Variants in HEXB observed in about 807,000 individuals in gnomAD.
HEXB encodes the protein hexosaminidase subunit beta.
A neutral mutation model predicts 71.2 loss-of-function variants in HEXB; 51 were observed. That is an observed-to-expected ratio of 0.72 (90% confidence interval 0.57 to 0.90). The LOEUF (loss-of-function observed/expected upper bound fraction) is 0.90. Among genes scored for constraint, HEXB ranks in the 40% least tolerant of loss-of-function variants. The probability of loss-of-function intolerance (pLI) is 0.00; values close to 1 mark genes in which losing one functional copy is unlikely to be tolerated. For synonymous variants in HEXB, 266 were observed against 249.3 expected (o/e 1.07, Z -0.63); for missense variants, 617 against 677.0 (o/e 0.91, Z 0.98).
chr5:74,676,016 T>C (rs1748624678), intron 1 of HEXB, among the ~76,000 whole-genome samples: 1 of 152,230 alleles, frequency 6.6e-6, no homozygotes, highest in South Asian at 2.1e-4. Flanking sequence ...AATAACTTTA[T>C]AAATTAACAG....
chr5:74,654,322 T>C (rs1433703673), intron 1 of HEXB, among the ~76,000 whole-genome samples: 3 of 152,148 alleles, frequency 2.0e-5, no homozygotes, highest in Admixed American at 2.0e-4. Flanking sequence ...AATTTTGCAT[T>C]TCTAACGAGC....
chr5:74,706,443 C>T lies in HEXB; in HGVS notation c.771+1123C>T, dbSNP rs368303812. Among the ~76,000 whole-genome samples, 237 of 152,186 alleles carry T rather than the reference C, an allele frequency of 1.6e-3. 5 individuals are homozygous for T. The East Asian group carries it at 0.039, about 25-fold the overall frequency. On this transcript the variant is annotated intron_variant, in intron 6 of 13. Coordinates refer to ENST00000261416, the MANE Select transcript of HEXB (RefSeq NM_000521.4). ...TCACTAGGGAGTGCCAGACAGTGGG[C>T]GCAGGACAGTGGGTGCAGCGCATCA...
In HEXB at chr5:74,641,954, CGACA is replaced by C. The variant is rs1747902621; in HGVS notation, c.-377+1399_-377+1402del. Among the ~76,000 whole-genome samples, 1 of 152,128 alleles carries C rather than the reference CGACA, an allele frequency of 6.6e-6. No homozygotes were observed. The highest frequency in any genetic ancestry group is 1.9e-4 in the East Asian group (1 of 5,192). The stretch of plus-strand genomic sequence containing the variant: ...CTGCAGCTCGAGAGTGAGGGCCCCA[CGACA>C]GAGTTTATTCCGTCCCCGGGTCCCC... On this transcript the variant is annotated intron_variant, in intron 1 of 13. Transcript: ENST00000511181. The surrounding 1 kb of genome is among the most constrained non-coding windows in gnomAD (Gnocchi z 4.1).
intron 1 of HEXB, among the ~76,000 whole-genome samples, chr5:74,644,526 AG>A (rs1217826374): frequency 6.6e-6 from 1 of 152,160 alleles, no homozygotes; most frequent in East Asian, 1.9e-4. Context: ...GAGAGAGGAA[AG>A]TCTGGCTGTT....
chr5:74,689,188 A>T, intron 1 of HEXB, 140 bp from the exon 2 acceptor site: 1 of 717,846 alleles, frequency 1.4e-6, no homozygotes, highest in South Asian at 1.5e-5. Context: ...TCTAATGTAC[A>T]GCTTGGGGTG....
intron 1 of HEXB, among the ~76,000 whole-genome samples, chr5:74,657,662 A>G (rs997224596): frequency 6.6e-6 from 1 of 152,232 alleles, no homozygotes; most frequent in Admixed American, 6.5e-5. Context: ...GCTATTCATC[A>G]AAATTTTATT....
Position 74,685,295 on chromosome 5 carries a change from C to G in HEXB, c.35C>G (p.Pro12Arg), listed in dbSNP as rs762795243. ...TGCGGGCTGGGGCTGCCCCGGCCGC[C>G]CATGCTGCTGGCGCTGCTGTTGGCG... ...ELCGLGLPRP[P>R]MLLALLLATL... Residue 12 changes from proline to arginine, a missense_variant, in exon 1 of 14, where the codon CCC becomes CGC. Pro to Arg is a moderately radical substitution (Grantham distance 103, BLOSUM62 -2). Coordinates refer to ENST00000261416, the MANE Select transcript of HEXB (RefSeq NM_000521.4). 27 of 1,555,652 alleles carry G rather than the reference C, an allele frequency of 1.7e-5. No homozygotes were observed. The South Asian group carries it at 3.2e-4, about 18-fold the overall frequency.
chr5:74,679,825 A>AAAAAAAAAT (rs1748705828), intron 1 of HEXB, among the ~76,000 whole-genome samples: 6 of 119,194 alleles, frequency 5.0e-5, no homozygotes, highest in Non-Finnish European at 9.9e-5. Context: ...AAAAAAAAAA[A>AAAAAAAAAT]GTATGGCTTT....
intron 1 of HEXB, among the ~76,000 whole-genome samples, chr5:74,677,040 C>T (rs964513400): frequency 6.6e-6 from 1 of 151,880 alleles, no homozygotes; most frequent in African/African-American, 2.4e-5. Context: ...GCGCCCGCCA[C>T]CACACCCCAT....
At chr5:74,668,971 C>T (rs1000228495) in intron 1 of HEXB, among the ~76,000 whole-genome samples, 1 of 151,838 alleles carries the variant, frequency 6.6e-6, no homozygotes, top group African/African-American at 2.4e-5. Context: ...TTTTCTTTTC[C>T]TTTTTCTGAG....
intron 11 of HEXB, among the ~76,000 whole-genome samples, chr5:74,719,235 A>AT (rs1487688618): frequency 6.6e-6 from 1 of 152,032 alleles, no homozygotes; most frequent in Non-Finnish European, 1.5e-5. Flanking sequence ...ATCCCCTTAG[A>AT]TTTTATCTCC....
intron 1 of HEXB, among the ~76,000 whole-genome samples, chr5:74,663,481 G>A (rs1298547843): frequency 6.6e-6 from 1 of 152,084 alleles, no homozygotes; most frequent in Non-Finnish European, 1.5e-5. Flanking sequence ...ATGAGCCACC[G>A]TGCCTGGCAA....
intron 7 of HEXB, among the ~76,000 whole-genome samples, chr5:74,714,076 C>G (rs909446033): frequency 1.1e-4 from 16 of 152,220 alleles, no homozygotes; most frequent in African/African-American, 3.1e-4. Flanking sequence ...TCCTCATGAT[C>G]GGCCCGCCTC....
chr5:74,719,878 T>A (rs926288788), intron 11 of HEXB: 10 of 156,134 alleles, frequency 6.4e-5, no homozygotes, highest in Non-Finnish European at 1.3e-4. Context: ...GAGGTGGAGG[T>A]TGCAGTGAGC....
At chr5:74,717,823 A>G (rs1749714318) in intron 9 of HEXB, among the ~76,000 whole-genome samples, 1 of 152,126 alleles carries the variant, frequency 6.6e-6, no homozygotes, top group Admixed American at 6.6e-5. Flanking sequence ...TGTGTGATGC[A>G]TTTAAGTGTT....
At chr5:74,710,641 A>G (rs1283889529) in intron 6 of HEXB, among the ~76,000 whole-genome samples, 4 of 152,196 alleles carry the variant, frequency 2.6e-5, no homozygotes, top group Admixed American at 1.3e-4. Flanking sequence ...TTATACACCA[A>G]TAACAGACAA....
rs1285699903 is a variant in HEXB, at chr5:74,697,031, A to G, written c.594A>G (p.Pro198=). The G allele has an allele frequency of 1.9e-6, 3 of 1,582,752 alleles. No individual in the cohort carries two copies. The highest frequency in any genetic ancestry group is 2.2e-5 in the South Asian group (2 of 90,580). ...TINESTIIDS[P]RFSHRGILID... Reference sequence around the variant, plus strand: ...ATGAATCCACCATTATTGATTCTCCAAGGTTTTCTCACAGAGGAATTTTGA... The same window carrying G: ...ATGAATCCACCATTATTGATTCTCCGAGGTTTTCTCACAGAGGAATTTTGA... Residue 198 remains proline, a synonymous_variant, in exon 5 of 14, where the codon CCA becomes CCG. Transcript: ENST00000261416.
intron 9 of HEXB, 35 bp from the exon 10 acceptor site, chr5:74,718,256 G>T: frequency 1.6e-6 from 2 of 1,275,628 alleles, no homozygotes; most frequent in South Asian, 2.4e-5. Flanking sequence ...TTAAGCTTAT[G>T]ATCTAAAATA....
intron 2 of HEXB, among the ~76,000 whole-genome samples, chr5:74,691,253 A>G (rs1000900739): frequency 6.6e-6 from 1 of 152,210 alleles, no homozygotes; most frequent in Non-Finnish European, 1.5e-5. Flanking sequence ...GTGGGAGGAC[A>G]TGTTGGAGGA....
Sources: gnomAD v4.1 joint callset for allele counts (sites outside exome capture counted in the v4.1 genomes callset) on GRCh38, gnomAD v4.1.1 for gene constraint, Gnocchi (gnomAD v3.1) non-coding constraint, MANE v1.5 for transcripts, NCBI Gene and HGNC (gene_info 2026-07-23, HGNC 2026-07-21) for gene names.